Variants in RFC1 observed in about 807,000 individuals in gnomAD.
RFC1 encodes the protein replication factor C subunit 1.
A neutral mutation model predicts 137.4 loss-of-function variants in RFC1; 37 were observed. The ratio of observed to expected loss-of-function variants is 0.27; its 90% CI spans 0.21 to 0.35. The LOEUF is 0.35. Among genes scored for constraint, RFC1 ranks in the 10% least tolerant of loss-of-function variants. RFC1 has a pLI of 1.00. For missense variants in RFC1, 1,205 were observed against 1,358.5 expected (o/e 0.89, Z 1.78); for synonymous variants, 429 against 455.7 (o/e 0.94, Z 0.75).
chr4:39,298,298 AC>A (rs1380495181), intron 21 of RFC1, among the ~76,000 whole-genome samples: 1 of 103,184 alleles, frequency 9.7e-6, no homozygotes, highest in Non-Finnish European at 1.9e-5. Flanking sequence ...ACAGAGTGAG[AC>A]CTTGTCTCAA....
At chr4:39,317,738 G>T (rs958500929) in intron 9 of RFC1, 5 of 152,154 alleles carry the variant, frequency 3.3e-5, no homozygotes, top group African/African-American at 1.2e-4. Flanking sequence ...AAATATCTTA[G>T]ATAGCTCTCA....
intron 10 of RFC1, among the ~76,000 whole-genome samples, chr4:39,314,739 T>C (rs1389661972): frequency 6.6e-6 from 1 of 152,078 alleles, no homozygotes; most frequent in Non-Finnish European, 1.5e-5. Context: ...CATCTCTCCC[T>C]CTCTTTATTA....
rs1385713270 is a variant in RFC1, at chr4:39,312,752, C to T, written c.1383G>A (p.Lys461=). The change falls in exon 11 of 25, where the codon AAG becomes AAA. Residue 461 remains lysine, a splice_region_variant and synonymous_variant. Coordinates refer to ENST00000349703, the MANE Select transcript of RFC1 (RefSeq NM_002913.5). ...GRDSGQSKSD[K]AAALGTKIID... is the part of the protein sequence containing the mutation. ...GTGTTGAGAACAAAGCAGTACCCAC[C>T]TTATCACTCTTGGACTGTCCACTAT... The T allele has an allele frequency of 5.0e-6, 8 of 1,613,586 alleles. No individual in the cohort carries two copies. Among genetic ancestry groups the T allele is most frequent in the Admixed American group, 1.7e-5 (1 of 60,006 alleles).
At chr4:39,309,556 T>A (rs1738862916) in intron 12 of RFC1, among the ~76,000 whole-genome samples, 1 of 152,190 alleles carries the variant, frequency 6.6e-6, no homozygotes, top group South Asian at 2.1e-4. Context: ...CTATGCTAAG[T>A]GGAAGAAGCC....
chr4:39,326,756 TA>T, intron 5 of RFC1, 116 bp from the exon 6 acceptor site: 1 of 748,192 alleles, frequency 1.3e-6, no homozygotes, highest in South Asian at 1.7e-5. Context: ...TATCTATCAG[TA>T]ACAGCTGCAA....
Position 39,327,528 on chromosome 4 carries a change from T to A in RFC1, c.560A>T (p.Lys187Ile), listed in dbSNP as rs1739834870. The change falls in exon 5 of 25, where the codon AAA becomes ATA. Residue 187 changes from lysine to isoleucine, a missense_variant. Around this residue, in one of 3 missense-constraint regions of RFC1, gnomAD observed 962 missense variants for 1,035.3 expected, o/e 0.93. Coordinates refer to ENST00000349703, the MANE Select transcript of RFC1 (RefSeq NM_002913.5). The stretch of plus-strand genomic sequence containing the variant: ...GCTTATATGTAGAACACTTACCTCT[T>A]TTCTTTTGCTTGCCACCATCTTCTT... ...SNKKMVASKRKELSQNTDESG... is the reference protein window; with the variant it reads ...SNKKMVASKRIELSQNTDESG... 1 of 1,606,124 alleles carries A rather than the reference T, an allele frequency of 6.2e-7. No individual in the cohort carries two copies. The highest frequency in any genetic ancestry group is 1.3e-5 in the African/African-American group (1 of 74,384).
intron 22 of RFC1, 68 bp from the exon 23 acceptor site, chr4:39,291,920 G>C (rs1737701584): frequency 1.8e-6 from 2 of 1,110,900 alleles, no homozygotes; most frequent in Non-Finnish European, 2.8e-6. Flanking sequence ...GTGCATAACA[G>C]CACTGAGTTA....
At position 39,353,176 on chromosome 4, in the gene RFC1, G is replaced by C. The variant is rs568066195; in HGVS notation, c.4-1700C>G. Among the ~76,000 whole-genome samples, 5 of 152,022 alleles carry C rather than the reference G, an allele frequency of 3.3e-5. No individual in the cohort carries two copies. In the East Asian group the frequency reaches 9.7e-4, roughly 29 times the overall value. Reference sequence around the variant, plus strand: ...AGTACTTTAGGAGGCCAATGCAAAAGGATCACTTGAGGCCAGGAGTTCAAG... The same window carrying C: ...AGTACTTTAGGAGGCCAATGCAAAACGATCACTTGAGGCCAGGAGTTCAAG... On this transcript the variant is annotated intron_variant, in intron 1 of 24. Transcript: ENST00000349703.
intron 1 of RFC1, among the ~76,000 whole-genome samples, chr4:39,356,437 T>G (rs1741485618): frequency 1.3e-5 from 2 of 152,108 alleles, no homozygotes. Flanking sequence ...GAACGGTTAT[T>G]CCTCAGGCCA....
chr4:39,293,799 C>G (rs1005453884), intron 22 of RFC1, among the ~76,000 whole-genome samples: 2 of 152,094 alleles, frequency 1.3e-5, no homozygotes, highest in Non-Finnish European at 2.9e-5. Context: ...AGAGGGCTAC[C>G]CTAGGGCAGA....
In RFC1 at chr4:39,308,637, G is replaced by A. The variant is rs201668482; in HGVS notation, c.1884C>T (p.His628=). The change falls in exon 13 of 25, where the codon CAC becomes CAT. Residue 628 remains histidine (H), a splice_region_variant and synonymous_variant. Transcript: ENST00000349703. The part of the protein sequence containing the change: ...WQKSSSEDKK[H]AKFGKFSGKD... ...AAATGAGTGAGGTTGTAAAATCACC[G>A]TGTTTTTTATCTTCGGAAGAACTCT... 1.7e-5 allele frequency: 28 copies of A among 1,606,698 alleles called. No individual in the cohort carries two copies. The highest frequency in any genetic ancestry group is 1.7e-4 in the Middle Eastern group (1 of 6,046).
At chr4:39,323,642 T>A (rs1381513736) in intron 6 of RFC1, among the ~76,000 whole-genome samples, 1 of 152,208 alleles carries the variant, frequency 6.6e-6, no homozygotes, top group Non-Finnish European at 1.5e-5. Context: ...GGATGACAGA[T>A]AAAGTGAGCA....
chr4:39,302,550 G>A lies in RFC1; in HGVS notation c.2386C>T (p.Pro796Ser). The A allele has an allele frequency of 6.2e-7, 1 of 1,611,778 alleles. No individual in the cohort carries two copies. Residue 796 changes from proline to serine, a missense_variant, in exon 18 of 25, where the codon CCT becomes TCT. By Grantham distance (74) the Pro-to-Ser change is moderately conservative. Coordinates refer to ENST00000349703, the MANE Select transcript of RFC1 (RefSeq NM_002913.5). ...AAAATTATTTCATTCATAGCTGGAG[G>A]GGGAATCTTTAAACCTTCTTTAAAT... Reference protein sequence around the residue: ...IAFKEGLKIPPPAMNEIILGA... With the variant: ...IAFKEGLKIPSPAMNEIILGA...
intron 11 of RFC1, among the ~76,000 whole-genome samples, chr4:39,311,874 C>A (rs1405511499): frequency 6.6e-6 from 1 of 152,190 alleles, no homozygotes; most frequent in Non-Finnish European, 1.5e-5. Flanking sequence ...CTCTTCATAC[C>A]TTCTCCCATA....
At chr4:39,300,543 T>C (rs1738299838) in intron 19 of RFC1, 129 bp from the exon 20 acceptor site, 1 of 689,818 alleles carries the variant, frequency 1.4e-6, no homozygotes, top group Non-Finnish European at 2.5e-6. Flanking sequence ...AACTGTACCG[T>C]TTGGTAGTTT....
chr4:39,359,449 A>G (rs6835111), intron 1 of RFC1, among the ~76,000 whole-genome samples: 57,302 of 152,054 alleles, frequency 0.38, 12,945 homozygotes, highest in East Asian at 0.58. Context: ...ATTCTAAGTG[A>G]AGTAACTCAG....
At chr4:39,322,977 C>T (rs889571073) in intron 7 of RFC1, among the ~76,000 whole-genome samples, 2 of 150,602 alleles carry the variant, frequency 1.3e-5, no homozygotes, top group African/African-American at 4.9e-5. Flanking sequence ...CTCAGCTACT[C>T]GGGAGGCTGA....
Position 39,320,363 on chromosome 4 carries a change from A to C in RFC1, c.1095+20T>G. On this transcript the variant is annotated intron_variant, in intron 9 of 24. Coordinates refer to ENST00000349703, the MANE Select transcript of RFC1 (RefSeq NM_002913.5). ...AAACTCCATCTCAAAAAAAAAAAAA[A>C]AAAAAAACAAAGTTCTTACCTCTTT... is the stretch of plus-strand genomic sequence containing the variant. 1.4e-6 allele frequency: 2 copies of C among 1,481,180 alleles called. No homozygotes were observed. The highest frequency in any genetic ancestry group is 1.4e-5 in the South Asian group (1 of 72,056). The allele number at this position is 1,481,180 out of a possible 1,614,324, so 91.8% of individuals were successfully genotyped here.
At chr4:39,329,155 C>CAAAAAAAAAA (rs1739952751) in intron 4 of RFC1, among the ~76,000 whole-genome samples, 1 of 38,536 alleles carries the variant, frequency 2.6e-5, no homozygotes, top group African/African-American at 1.0e-4. Context: ...AAAAAAAAAG[C>CAAAAAAAAAA]TTTTCGATTT....
Sources: allele counts gnomAD v4.1 joint callset (sites outside exome capture counted in the v4.1 genomes callset), GRCh38; gene constraint gnomAD v4.1.1; regional missense constraint gnomAD v4.1.1; transcripts MANE v1.5; gene names NCBI Gene and HGNC (gene_info 2026-07-23, HGNC 2026-07-21).